The following CRIM1 variants were observed in gnomAD, a reference collection of about 807,000 sequenced individuals.
CRIM1 encodes cysteine rich transmembrane BMP regulator 1.
CRIM1 carries 32 observed loss-of-function variants against 116.4 expected under a neutral mutation model. The observed-to-expected ratio is 0.27, with a 90% CI of 0.21 to 0.37. The LOEUF (loss-of-function observed/expected upper bound fraction) is 0.37, where lower values mean the gene tolerates loss of function less well. Ranked by LOEUF, CRIM1 falls within the 10% of genes least tolerant of loss-of-function variation. The probability of loss-of-function intolerance (pLI) is 1.00; values close to 1 mark genes in which losing one functional copy is unlikely to be tolerated. For missense variants in CRIM1, 1,331 were observed against 1,354.8 expected (o/e 0.98, Z 0.28); for synonymous variants, 590 against 509.2 (o/e 1.16, Z -2.13).
chr2:36,371,284 A>G (rs1669925370), intron 1 of CRIM1, among the ~76,000 whole-genome samples: 1 of 151,976 alleles, frequency 6.6e-6, no homozygotes, highest in South Asian at 2.1e-4. Flanking sequence ...GACCATAAAT[A>G]GCACTTTCTC....
intron 13 of CRIM1, among the ~76,000 whole-genome samples, chr2:36,529,962 T>C (rs1666002954): frequency 6.6e-6 from 1 of 152,198 alleles, no homozygotes; most frequent in Non-Finnish European, 1.5e-5. Flanking sequence ...TGAGGCAGTA[T>C]GGAGAGGTAG....
chr2:36,364,553 CA>C (rs530616382), intron 1 of CRIM1, among the ~76,000 whole-genome samples: 4 of 152,174 alleles, frequency 2.6e-5, no homozygotes, highest in Non-Finnish European at 5.9e-5. Flanking sequence ...GAGGATGCAG[CA>C]ACAAGAAAGA....
At chr2:36,546,471 G>A (rs561181900) in intron 15 of CRIM1, among the ~76,000 whole-genome samples, 5 of 152,132 alleles carry the variant, frequency 3.3e-5, no homozygotes, top group Admixed American at 6.5e-5. Context: ...CAGTGAACCA[G>A]AGTATCAACC....
chr2:36,391,164 C>G (rs190949482), intron 1 of CRIM1, among the ~76,000 whole-genome samples: 136 of 117,020 alleles, frequency 1.2e-3, no homozygotes, highest in African/African-American at 4.2e-3. Flanking sequence ...GAGTCTTGCT[C>G]TGTCACCCAG....
intron 2 of CRIM1, among the ~76,000 whole-genome samples, chr2:36,397,992 A>T (rs1672149879): frequency 6.6e-6 from 1 of 152,144 alleles, no homozygotes. Flanking sequence ...AAACAATGCC[A>T]TGGGTTACCT....
chr2:36,415,670 A>G (rs1183077025), intron 2 of CRIM1, among the ~76,000 whole-genome samples: 1 of 152,206 alleles, frequency 6.6e-6, no homozygotes, highest in African/African-American at 2.4e-5. Flanking sequence ...GGGAAATGAA[A>G]GATTGTGAGT....
At chr2:36,539,435 G>A (rs1361076428) in intron 14 of CRIM1, among the ~76,000 whole-genome samples, 1 of 152,192 alleles carries the variant, frequency 6.6e-6, no homozygotes, top group Non-Finnish European at 1.5e-5. Flanking sequence ...CAGACACAAA[G>A]GGTCTCGCAG....
intron 7 of CRIM1, among the ~76,000 whole-genome samples, chr2:36,495,957 C>A (rs1453243838): frequency 1.3e-5 from 2 of 152,060 alleles, no homozygotes; most frequent in Non-Finnish European, 2.9e-5. Context: ...TGGCTATGGT[C>A]TCACATGATA....
At chr2:36,444,292 T>C (rs574262906) in intron 4 of CRIM1, among the ~76,000 whole-genome samples, 1 of 152,200 alleles carries the variant, frequency 6.6e-6, no homozygotes, top group Non-Finnish European at 1.5e-5. Context: ...CAGGAAGGTA[T>C]ATTTAGTCTC....
At chr2:36,374,972 C>G (rs1354703041) in intron 1 of CRIM1, among the ~76,000 whole-genome samples, 1 of 151,542 alleles carries the variant, frequency 6.6e-6, no homozygotes, top group Non-Finnish European at 1.5e-5. Context: ...AGCCAGCTCT[C>G]CAGGTAGAGA....
intron 2 of CRIM1, among the ~76,000 whole-genome samples, chr2:36,432,532 C>G (rs1674976124): frequency 6.6e-6 from 1 of 152,116 alleles, no homozygotes; most frequent in African/African-American, 2.4e-5. Context: ...CATTTGGCAT[C>G]CGGCTCTCCC....
At chr2:36,411,285 G>A (rs916002014) in intron 2 of CRIM1, among the ~76,000 whole-genome samples, 3 of 152,118 alleles carry the variant, frequency 2.0e-5, no homozygotes, top group Non-Finnish European at 4.4e-5. Context: ...AAAATGTTGT[G>A]TATATATTCT....
chr2:36,452,749 C>G (rs1052797624), intron 4 of CRIM1, among the ~76,000 whole-genome samples: 1 of 151,972 alleles, frequency 6.6e-6, no homozygotes, highest in Non-Finnish European at 1.5e-5. Flanking sequence ...GTCTTAGTCC[C>G]GAAAACAAGC....
Position 36,550,637 on chromosome 2 carries a change from G to T in CRIM1, c.*1936G>T, listed in dbSNP as rs1263558298. On this transcript the variant is annotated 3_prime_UTR_variant, in exon 17 of 17. Coordinates refer to ENST00000280527, the MANE Select transcript of CRIM1 (RefSeq NM_016441.3). ...ATATCAAAAAGAAAAAGAAAAAGGT[G>T]TTCTAGCTGTTTGCATCAAAGGAAA... is the stretch of plus-strand genomic sequence containing the variant. The T allele has an allele frequency of 6.6e-6, 1 of 152,320 alleles. No homozygotes were observed. The highest frequency in any genetic ancestry group is 2.4e-5 in the African/African-American group (1 of 41,374). The allele number at this position is 152,320 out of a possible 1,614,324, so 9.4% of individuals were successfully genotyped here.
At chr2:36,371,398 G>A (rs560145000) in intron 1 of CRIM1, among the ~76,000 whole-genome samples, 1 of 152,126 alleles carries the variant, frequency 6.6e-6, no homozygotes, top group African/African-American at 2.4e-5. Context: ...TTATTCTAGC[G>A]CTTGGCACAC....
intron 8 of CRIM1, 83 bp downstream of exon 8, chr2:36,499,430 C>T (rs1250635366): frequency 7.1e-7 from 1 of 1,401,982 alleles, no homozygotes; most frequent in African/African-American, 1.4e-5. Flanking sequence ...ATATCTTTTT[C>T]ACTTCTGTTC....
At chr2:36,451,406 C>G (rs1177511873) in intron 4 of CRIM1, among the ~76,000 whole-genome samples, 1 of 152,078 alleles carries the variant, frequency 6.6e-6, no homozygotes, top group Non-Finnish European at 1.5e-5. Context: ...AGTAATATGC[C>G]AGCTTTAAAT....
At chr2:36,536,172 T>C (rs1330322720) in intron 13 of CRIM1, among the ~76,000 whole-genome samples, 1 of 152,218 alleles carries the variant, frequency 6.6e-6, no homozygotes, top group Non-Finnish European at 1.5e-5. Flanking sequence ...CTGCAAAGCT[T>C]CGGGCTGCTC....
intron 4 of CRIM1, among the ~76,000 whole-genome samples, chr2:36,444,208 G>A (rs2124945319): frequency 6.6e-6 from 1 of 152,322 alleles, no homozygotes; most frequent in African/African-American, 2.4e-5. Context: ...ATGCCACATA[G>A]AGCCATCTGC....
Sources: gnomAD v4.1 joint callset for allele counts (sites outside exome capture counted in the v4.1 genomes callset) on GRCh38, gnomAD v4.1.1 for gene constraint, MANE v1.5 for transcripts, NCBI Gene and HGNC (gene_info 2026-07-23, HGNC 2026-07-21) for gene names.